Variants in JAM3 observed in about 807,000 individuals in gnomAD.
JAM3 encodes the protein junctional adhesion molecule 3.
A neutral mutation model predicts 39.4 loss-of-function variants in JAM3; 31 were observed. That is an observed-to-expected ratio of 0.79 (90% CI 0.59 to 1.06). The LOEUF (loss-of-function observed/expected upper bound fraction) is 1.06, where lower values mean the gene tolerates loss of function less well. Ranked by LOEUF, JAM3 falls within the 50% of genes least tolerant of loss-of-function variation. The pLI, the probability that JAM3 is intolerant of heterozygous loss-of-function variation, is 0.00. For synonymous variants in JAM3, 182 were observed against 148.7 expected, an observed-to-expected ratio of 1.22 and a Z score of -1.63; for missense variants, 455 against 391.4, an observed-to-expected ratio of 1.16 and a Z score of -1.37.
chr11:134,136,240 C>A (rs548201126), intron 1 of JAM3, among the ~76,000 whole-genome samples: 1 of 152,192 alleles, frequency 6.6e-6, no homozygotes, highest in African/African-American at 2.4e-5. Flanking sequence ...AATGTAACTT[C>A]AGTATGAGTA....
chr11:134,095,428 G>A (rs1014702982), intron 1 of JAM3, among the ~76,000 whole-genome samples: 6 of 151,984 alleles, frequency 3.9e-5, no homozygotes, highest in African/African-American at 1.2e-4. Context: ...TCAGGAGATC[G>A]AGACCATCCT....
intron 3 of JAM3, among the ~76,000 whole-genome samples, chr11:134,143,962 G>A (rs1020646776): frequency 1.3e-5 from 2 of 151,890 alleles, no homozygotes; most frequent in African/African-American, 2.4e-5. Context: ...TCCTGGAAAT[G>A]AGGAGGAGGA....
At chr11:134,110,877 C>G (rs749567287) in intron 1 of JAM3, among the ~76,000 whole-genome samples, 1 of 151,522 alleles carries the variant, frequency 6.6e-6, no homozygotes, top group Non-Finnish European at 1.5e-5. Flanking sequence ...TTTAAAAGTC[C>G]AAAACCAAAA....
chr11:134,077,378 C>G (rs911701490), intron 1 of JAM3, among the ~76,000 whole-genome samples: 1 of 77,294 alleles, frequency 1.3e-5, no homozygotes, highest in Admixed American at 1.3e-4. Context: ...TTTTTTTTTT[C>G]TTGAGACAGA....
chr11:134,108,884 TAAAC>T (rs1182141193), intron 1 of JAM3, among the ~76,000 whole-genome samples: 3 of 152,196 alleles, frequency 2.0e-5, no homozygotes, highest in African/African-American at 7.2e-5. Flanking sequence ...CCCAATCTGA[TAAAC>T]AATATCCATG....
At chr11:134,097,133 A>G (rs1305466380) in intron 1 of JAM3, among the ~76,000 whole-genome samples, 4 of 152,102 alleles carry the variant, frequency 2.6e-5, no homozygotes, top group Admixed American at 6.6e-5. Flanking sequence ...CCCGCATCCC[A>G]TCAAGCTGCT....
intron 6 of JAM3, 123 bp from the exon 7 acceptor site, chr11:134,148,423 GT>G: frequency 1.8e-6 from 2 of 1,138,514 alleles, no homozygotes; most frequent in Non-Finnish European, 2.6e-6. Context: ...TCTAGCTGGG[GT>G]AGGCCTGAGG....
intron 1 of JAM3, among the ~76,000 whole-genome samples, chr11:134,077,377 T>TC (rs1941587220): frequency 6.7e-6 from 1 of 150,194 alleles, no homozygotes; most frequent in Non-Finnish European, 1.5e-5. Flanking sequence ...TTTTTTTTTT[T>TC]CTTGAGACAG....
At chr11:134,146,630 G>A (rs2120366198) in intron 6 of JAM3, among the ~76,000 whole-genome samples, 1 of 152,162 alleles carries the variant, frequency 6.6e-6, no homozygotes, top group East Asian at 1.9e-4. Flanking sequence ...TGCAGTGAGT[G>A]CAGTCACAGG....
intron 1 of JAM3, among the ~76,000 whole-genome samples, chr11:134,106,242 G>T (rs1217540365): frequency 1.3e-5 from 2 of 152,042 alleles, no homozygotes; most frequent in Non-Finnish European, 2.9e-5. Flanking sequence ...AACAAGAAAT[G>T]GGGAAAGGAT....
At chr11:134,128,202 T>C (rs1015927477) in intron 1 of JAM3, among the ~76,000 whole-genome samples, 22 of 152,142 alleles carry the variant, frequency 1.4e-4, no homozygotes, top group African/African-American at 5.1e-4. Flanking sequence ...GTCTCCTTAA[T>C]GTAGCTGGGG....
chr11:134,137,409 C>G (rs1387392702), intron 1 of JAM3, among the ~76,000 whole-genome samples: 2 of 152,230 alleles, frequency 1.3e-5, no homozygotes, highest in Admixed American at 6.5e-5. Context: ...TTTCTCTAGA[C>G]TATAAGCTCT....
chr11:134,088,521 T>C (rs1432727761), intron 1 of JAM3, among the ~76,000 whole-genome samples: 3 of 152,210 alleles, frequency 2.0e-5, no homozygotes, highest in African/African-American at 7.2e-5. Flanking sequence ...ATACAAAATC[T>C]ATTTTACATG....
intron 1 of JAM3, among the ~76,000 whole-genome samples, chr11:134,070,550 CA>C (rs1941469853): frequency 6.6e-6 from 1 of 152,152 alleles, no homozygotes; most frequent in African/African-American, 2.4e-5. Context: ...AAGTGATTCC[CA>C]AAACCAAATG....
At chr11:134,090,984 A>G (rs1941837774) in intron 1 of JAM3, among the ~76,000 whole-genome samples, 1 of 152,186 alleles carries the variant, frequency 6.6e-6, no homozygotes, top group Admixed American at 6.5e-5. Flanking sequence ...CCTCCTGTTA[A>G]GTACATTGTA....
rs757114111 is a variant in JAM3 at position 134,144,849 on chromosome 11, C to T, written c.467C>T (p.Ala156Val). ...VPKAVPVGKMATLHCQESEGH... is the reference protein window; with the variant it reads ...VPKAVPVGKMVTLHCQESEGH... ...AAGGCTGTACCAGTAGGCAAGATGG[C>T]AACACTGCACTGCCAGGAGAGTGAG... Residue 156 changes from alanine to valine, a missense_variant, in exon 5 of 9, where the codon GCA becomes GTA. Transcript: ENST00000299106. 6.2e-7 allele frequency: 1 copy of T among 1,614,208 alleles called. No homozygotes were observed.
At position 134,151,002 on chromosome 11, in the gene JAM3, G is replaced by C. The variant is rs1390161187; in HGVS notation, c.*1821G>C. The C allele has an allele frequency of 1.3e-5, 2 of 152,254 alleles. No homozygotes were observed. Among genetic ancestry groups the C allele is most frequent in the Admixed American group, 6.5e-5 (1 of 15,292 alleles). The allele number at this position is 152,254 out of a possible 1,614,324, so 9.4% of individuals were successfully genotyped here. On this transcript the variant is annotated 3_prime_UTR_variant, in exon 9 of 9. Transcript: ENST00000299106. ...GGGGGGACATTAGCAACATCACTCA[G>C]AAGCCTGTGTTCTTCAAGAGCAGGT...
intron 1 of JAM3, among the ~76,000 whole-genome samples, chr11:134,132,796 G>T (rs930418846): frequency 6.6e-6 from 1 of 152,152 alleles, no homozygotes; most frequent in Non-Finnish European, 1.5e-5. Flanking sequence ...TGTCTGGGGG[G>T]GCCTGCTAAG....
chr11:134,069,292 G>A (rs1371800954), intron 1 of JAM3, 133 bp downstream of exon 1: 1 of 1,258,246 alleles, frequency 7.9e-7, no homozygotes, highest in Non-Finnish European at 1.1e-6. Flanking sequence ...GTCCCGGGCC[G>A]GAGGGGCGGC....
Sources: allele counts gnomAD v4.1 joint callset (sites outside exome capture counted in the v4.1 genomes callset), GRCh38; gene constraint gnomAD v4.1.1; transcripts MANE v1.5; gene names NCBI Gene and HGNC (gene_info 2026-07-23, HGNC 2026-07-21).